The following ST8SIA2 variants were observed in gnomAD, a reference collection of about 807,000 sequenced individuals.
ST8SIA2 encodes ST8 alpha-N-acetyl-neuraminide alpha-2,8-sialyltransferase 2.
In ST8SIA2, 22 loss-of-function variants were observed where a neutral mutation model predicts 37.6. That is an observed-to-expected ratio of 0.58 (90% CI 0.42 to 0.83). The LOEUF is 0.83. Ranked by LOEUF, ST8SIA2 falls within the 40% of genes least tolerant of loss-of-function variation. The pLI is 0.00. For missense variants in ST8SIA2, 382 were observed against 484.7 expected (o/e 0.79, Z 1.99); for synonymous variants, 205 against 201.2 (o/e 1.02, Z -0.16).
chr15:92,402,031 T>C (rs1448705575), intron 1 of ST8SIA2, among the ~76,000 whole-genome samples: 1 of 152,212 alleles, frequency 6.6e-6, no homozygotes, highest in African/African-American at 2.4e-5. Flanking sequence ...TTTGGGATAC[T>C]AAGATGTCCT....
chr15:92,448,298 T>C (rs371361546), intron 5 of ST8SIA2, among the ~76,000 whole-genome samples: 44 of 152,294 alleles, frequency 2.9e-4, no homozygotes, highest in East Asian at 7.7e-4. Flanking sequence ...CGTGGGGCCA[T>C]TGGACTCTGC....
At chr15:92,439,370 T>C (rs1480111641) in intron 4 of ST8SIA2, among the ~76,000 whole-genome samples, 1 of 152,202 alleles carries the variant, frequency 6.6e-6, no homozygotes, top group Non-Finnish European at 1.5e-5. Flanking sequence ...GCCTGGGACA[T>C]TTGCACACAA....
intron 1 of ST8SIA2, among the ~76,000 whole-genome samples, chr15:92,413,604 A>G (rs1186512966): frequency 6.6e-6 from 1 of 152,196 alleles, no homozygotes; most frequent in Non-Finnish European, 1.5e-5. Flanking sequence ...GCCCTATTCC[A>G]GATGTGTCCC....
At chr15:92,423,368 C>A (rs754108449) in intron 1 of ST8SIA2, among the ~76,000 whole-genome samples, 1 of 152,230 alleles carries the variant, frequency 6.6e-6, no homozygotes, top group African/African-American at 2.4e-5. Flanking sequence ...GTGCAGTGAG[C>A]TGAGATCACG....
chr15:92,439,182 C>A (rs1358705562), intron 4 of ST8SIA2, among the ~76,000 whole-genome samples: 3 of 148,792 alleles, frequency 2.0e-5, no homozygotes, highest in Non-Finnish European at 3.0e-5. Context: ...ATCTCCTGGG[C>A]TGGCCAGTTG....
intron 4 of ST8SIA2, among the ~76,000 whole-genome samples, chr15:92,443,916 C>T (rs74029037): frequency 0.035 from 5,266 of 152,174 alleles, 105 homozygotes; most frequent in Middle Eastern, 0.071. Context: ...TTTTAACGAG[C>T]GCCTGGGGTG....
At chr15:92,403,995 G>A (rs2049489173) in intron 1 of ST8SIA2, among the ~76,000 whole-genome samples, 1 of 152,194 alleles carries the variant, frequency 6.6e-6, no homozygotes, top group Non-Finnish European at 1.5e-5. Context: ...GACCTGTGAT[G>A]GCCCAGCCTT....
chr15:92,419,970 A>T (rs144172570), intron 1 of ST8SIA2, among the ~76,000 whole-genome samples: 1 of 152,132 alleles, frequency 6.6e-6, no homozygotes, highest in African/African-American at 2.4e-5. Flanking sequence ...AGTTCAAGCG[A>T]TTCTCCTGCC....
intron 5 of ST8SIA2, among the ~76,000 whole-genome samples, chr15:92,454,540 C>T (rs1390568807): frequency 1.3e-5 from 2 of 152,176 alleles, no homozygotes; most frequent in East Asian, 3.9e-4. Context: ...TCATTCAACA[C>T]ATCTGAGTCT....
intron 4 of ST8SIA2, 57 bp downstream of exon 4, chr15:92,438,667 T>G: frequency 6.6e-7 from 1 of 1,518,384 alleles, no homozygotes; most frequent in Non-Finnish European, 8.8e-7. Context: ...TGTGTTTCAG[T>G]GGAGCATTGC....
intron 2 of ST8SIA2, among the ~76,000 whole-genome samples, chr15:92,431,444 G>A (rs1210054338): frequency 6.6e-6 from 1 of 152,160 alleles, no homozygotes; most frequent in Non-Finnish European, 1.5e-5. Flanking sequence ...ACCACCAAAT[G>A]TAAGAATCTA....
At chr15:92,426,494 A>G (rs1280995767) in intron 1 of ST8SIA2, among the ~76,000 whole-genome samples, 1 of 152,128 alleles carries the variant, frequency 6.6e-6, no homozygotes, top group Non-Finnish European at 1.5e-5. Context: ...CTGGCATGGA[A>G]AAGTGCATGG....
chr15:92,451,913 C>G (rs539222560), intron 5 of ST8SIA2, among the ~76,000 whole-genome samples: 1 of 152,210 alleles, frequency 6.6e-6, no homozygotes, highest in Non-Finnish European at 1.5e-5. Context: ...AGTGATGGCA[C>G]CCTAGAGAAT....
intron 5 of ST8SIA2, among the ~76,000 whole-genome samples, chr15:92,452,433 C>T (rs1305179615): frequency 6.6e-6 from 1 of 152,228 alleles, no homozygotes; most frequent in Non-Finnish European, 1.5e-5. Context: ...GAGCAGCTGG[C>T]CATGATCTTC....
At chr15:92,463,385 C>T (rs971010250) in intron 5 of ST8SIA2, among the ~76,000 whole-genome samples, 1 of 152,206 alleles carries the variant, frequency 6.6e-6, no homozygotes, top group Non-Finnish European at 1.5e-5. Flanking sequence ...AACCAGTGTC[C>T]AGGGCCCCCA....
intron 1 of ST8SIA2, among the ~76,000 whole-genome samples, chr15:92,405,631 A>G (rs1008105857): frequency 1.3e-5 from 2 of 152,246 alleles, no homozygotes; most frequent in African/African-American, 4.8e-5. Flanking sequence ...TTAATTTTAA[A>G]AATAATACAG....
At chr15:92,454,175 A>AGTT (rs1217658122) in intron 5 of ST8SIA2, among the ~76,000 whole-genome samples, 1 of 152,152 alleles carries the variant, frequency 6.6e-6, no homozygotes, top group Non-Finnish European at 1.5e-5. Flanking sequence ...GGGGGCTGGA[A>AGTT]GTTCAAAACT....
At chr15:92,441,586 C>T (rs1342940969) in intron 4 of ST8SIA2, among the ~76,000 whole-genome samples, 3 of 55,626 alleles carry the variant, frequency 5.4e-5, no homozygotes, top group Non-Finnish European at 1.2e-4. Flanking sequence ...TGCACACACA[C>T]ACACACACAC....
intron 4 of ST8SIA2, among the ~76,000 whole-genome samples, chr15:92,443,594 T>C (rs540056668): frequency 6.6e-6 from 1 of 152,222 alleles, no homozygotes; most frequent in Non-Finnish European, 1.5e-5. Context: ...TGGCTCCCTA[T>C]TGCCCCCAGA....
Sources: gnomAD v4.1 joint callset for allele counts (sites outside exome capture counted in the v4.1 genomes callset) on GRCh38, gnomAD v4.1.1 for gene constraint, MANE v1.5 for transcripts, NCBI Gene and HGNC (gene_info 2026-07-23, HGNC 2026-07-21) for gene names.